Variants in CDH8 observed in about 807,000 individuals in gnomAD.
The protein encoded by CDH8 is cadherin-8.
CDH8 carries 17 observed loss-of-function variants against 68.1 expected under a neutral mutation model. The ratio of observed to expected loss-of-function variants is 0.25; its 90% CI spans 0.17 to 0.37. The LOEUF is 0.37. CDH8 is among the 10% of genes least tolerant of loss of function. The pLI, the probability that CDH8 is intolerant of heterozygous loss-of-function variation, is 1.00. For synonymous variants in CDH8, 372 were observed against 365.1 expected, an observed-to-expected ratio of 1.02 and a Z score of -0.21; for missense variants, 763 against 999.3, an observed-to-expected ratio of 0.76 and a Z score of 3.19.
At chr16:61,924,840 A>G (rs1353672273) in intron 2 of CDH8, among the ~76,000 whole-genome samples, 1 of 152,112 alleles carries the variant, frequency 6.6e-6, no homozygotes, top group Non-Finnish European at 1.5e-5. Flanking sequence ...AGAGCTGTTA[A>G]TTGTCCTGAG....
chr16:61,793,314 A>T (rs1961421821), intron 7 of CDH8, among the ~76,000 whole-genome samples: 1 of 151,792 alleles, frequency 6.6e-6, no homozygotes, highest in East Asian at 1.9e-4. Flanking sequence ...TACATAGGTA[A>T]ATGTGTGTCA....
chr16:61,803,752 C>T (rs1286377276), intron 7 of CDH8, among the ~76,000 whole-genome samples: 1 of 144,646 alleles, frequency 6.9e-6, no homozygotes, highest in Non-Finnish European at 1.5e-5. Flanking sequence ...GGGATCAATT[C>T]AACAAGAAGA....
At chr16:61,908,807 A>G (rs1010817905) in intron 2 of CDH8, among the ~76,000 whole-genome samples, 1 of 152,194 alleles carries the variant, frequency 6.6e-6, no homozygotes, top group Non-Finnish European at 1.5e-5. Context: ...TTCCATTCTT[A>G]ATAAGTTGCA....
intron 2 of CDH8, among the ~76,000 whole-genome samples, chr16:61,961,345 T>A (rs1965151700): frequency 6.6e-6 from 1 of 151,918 alleles, no homozygotes; most frequent in Non-Finnish European, 1.5e-5. Context: ...TTGGATCACA[T>A]CATTCGCCCA....
At chr16:61,787,936 T>A (rs1961269197) in intron 8 of CDH8, among the ~76,000 whole-genome samples, 2 of 34,062 alleles carry the variant, frequency 5.9e-5, no homozygotes, top group Non-Finnish European at 4.4e-5. Context: ...CTCTGGGGAC[T>A]GTGGTGGGGG....
intron 2 of CDH8, among the ~76,000 whole-genome samples, chr16:61,912,974 T>A (rs1324531039): frequency 6.6e-6 from 1 of 152,128 alleles, no homozygotes; most frequent in African/African-American, 2.4e-5. Context: ...TAATATTCAA[T>A]TTTTTAAAAA....
At chr16:61,799,457 T>G (rs1268487150) in intron 7 of CDH8, among the ~76,000 whole-genome samples, 1 of 152,322 alleles carries the variant, frequency 6.6e-6, no homozygotes, top group Admixed American at 6.5e-5. Flanking sequence ...TCATTTAATC[T>G]TTCCTATAAT....
At chr16:61,727,250 G>T (rs777400821) in intron 8 of CDH8, 35 bp from the exon 9 acceptor site, 12 of 1,554,970 alleles carry the variant, frequency 7.7e-6, no homozygotes, top group Admixed American at 1.9e-5. Context: ...AGCATTGAGG[G>T]TATTTCATTT....
At chr16:61,873,568 G>C (rs75316145) in intron 3 of CDH8, among the ~76,000 whole-genome samples, 3,059 of 152,294 alleles carry the variant, frequency 0.02, 107 homozygotes, top group African/African-American at 0.07. Flanking sequence ...GACTTATGAC[G>C]GGTCAACTTA....
At chr16:61,662,840 T>A (rs926447411) in intron 10 of CDH8, among the ~76,000 whole-genome samples, 7 of 151,924 alleles carry the variant, frequency 4.6e-5, no homozygotes, top group Non-Finnish European at 7.4e-5. Context: ...CAGGAACCAA[T>A]CCCCAGTCTA....
intron 10 of CDH8, among the ~76,000 whole-genome samples, chr16:61,671,571 C>G (rs893374290): frequency 6.6e-6 from 1 of 151,568 alleles, no homozygotes; most frequent in East Asian, 1.9e-4. Flanking sequence ...GATATTAAAA[C>G]AGCCTGTCTA....
intron 8 of CDH8, among the ~76,000 whole-genome samples, chr16:61,749,699 T>C (rs1043712898): frequency 3.9e-5 from 6 of 152,136 alleles, no homozygotes; most frequent in Middle Eastern, 3.4e-3. Context: ...AGCCCTTGTT[T>C]ATTTGTCCCC....
chr16:61,964,546 T>C (rs1203462826), intron 2 of CDH8, among the ~76,000 whole-genome samples: 5 of 151,350 alleles, frequency 3.3e-5, no homozygotes, highest in African/African-American at 1.2e-4. Flanking sequence ...TTTTTTTTTT[T>C]CCTCAACCAA....
chr16:61,977,626 C>T (rs1431697828), intron 2 of CDH8, among the ~76,000 whole-genome samples: 1 of 151,958 alleles, frequency 6.6e-6, no homozygotes, highest in African/African-American at 2.4e-5. Context: ...TTCTAGAATC[C>T]CCATGAGAGA....
At chr16:61,687,653 A>G (rs1964135919) in intron 10 of CDH8, among the ~76,000 whole-genome samples, 1 of 152,000 alleles carries the variant, frequency 6.6e-6, no homozygotes, top group African/African-American at 2.4e-5. Context: ...AACACCTATT[A>G]ACACAATATT....
intron 2 of CDH8, among the ~76,000 whole-genome samples, chr16:61,959,241 A>G (rs896599253): frequency 1.3e-5 from 2 of 152,272 alleles, no homozygotes; most frequent in East Asian, 1.9e-4. Flanking sequence ...TGGCTGCAGA[A>G]TTAACTATAG....
chr16:61,817,118 C>A (rs1201982522), intron 7 of CDH8, among the ~76,000 whole-genome samples: 1 of 152,032 alleles, frequency 6.6e-6, no homozygotes. Flanking sequence ...TTCCCCAAAG[C>A]TAAACAAACA....
At chr16:61,919,459 G>C (rs1281196017) in intron 2 of CDH8, among the ~76,000 whole-genome samples, 1 of 147,286 alleles carries the variant, frequency 6.8e-6, no homozygotes, top group Non-Finnish European at 1.5e-5. Context: ...CCAATACAGA[G>C]AAGTGCTTAA....
rs186033715 is a variant in CDH8 at position 61,809,301 on chromosome 16, G to A, written c.1277+8178C>T. On this transcript the variant is annotated intron_variant, in intron 7 of 11. Coordinates refer to ENST00000577390, the MANE Select transcript of CDH8 (RefSeq NM_001796.5). ...GTCAAAGTATTTACTAACGTCATGGGGTTTTGTCCCTCTAGTAAGCTCTTT... is the reference window on the plus strand; with the variant it reads ...GTCAAAGTATTTACTAACGTCATGGAGTTTTGTCCCTCTAGTAAGCTCTTT... Among the ~76,000 whole-genome samples the A allele has an allele frequency of 3.9e-5, 6 of 152,286 alleles. No individual in the cohort carries two copies. In the East Asian group the frequency reaches 1.2e-3, roughly 29 times the overall value.
Sources: gnomAD v4.1 joint callset for allele counts (sites outside exome capture counted in the v4.1 genomes callset) on GRCh38, gnomAD v4.1.1 for gene constraint, MANE v1.5 for transcripts, NCBI Gene and HGNC (gene_info 2026-07-23, HGNC 2026-07-21) for gene names.